The following TNS1 variants were observed in gnomAD, a reference collection of about 807,000 sequenced individuals.
The protein encoded by TNS1 is tensin 1.
Under a neutral mutation model 168.6 loss-of-function variants are expected in TNS1, and 62 were observed. The observed-to-expected ratio is 0.37, with a 90% CI of 0.30 to 0.45. The LOEUF (loss-of-function observed/expected upper bound fraction) is 0.45, where lower values mean the gene tolerates loss of function less well. Among genes scored for constraint, TNS1 ranks in the 20% least tolerant of loss-of-function variants. The pLI is 1.00. For synonymous variants in TNS1, 934 were observed against 933.2 expected, an observed-to-expected ratio of 1.00 and a Z score of -0.02; for missense variants, 2,240 against 2,339.4, an observed-to-expected ratio of 0.96 and a Z score of 0.88.
intron 24 of TNS1, among the ~76,000 whole-genome samples, chr2:217,815,711 CCTAAAACACTTG>C (rs1941789206): frequency 6.6e-6 from 1 of 152,200 alleles, no homozygotes; most frequent in African/African-American, 2.4e-5. Context: ...TCTCCCATGG[CCTAAAACACTTG>C]CTTCTAGAAC....
rs1352530013 is a variant in TNS1, at chr2:217,848,980, T to C, written c.1537A>G (p.Thr513Ala). 1.9e-6 allele frequency: 3 copies of C among 1,613,838 alleles called. No individual in the cohort carries two copies. The highest frequency in any genetic ancestry group is 2.5e-6 in the Non-Finnish European group (3 of 1,179,984). Residue 513 changes from threonine (T) to alanine (A), a missense_variant, in exon 19 of 33, where the codon ACA becomes GCA. Thr to Ala is a moderately conservative substitution (Grantham distance 58). This residue lies in a region of TNS1 where 2,131 missense variants were observed against 2,171.2 expected (regional missense o/e 0.98). Transcript: ENST00000682258. Reference sequence around the variant, plus strand: ...ACGTGGTTGGGGGTGGCCGACAGTGTAGGACGTGTGGCATTAACAGCCCCG... The same window carrying C: ...ACGTGGTTGGGGGTGGCCGACAGTGCAGGACGTGTGGCATTAACAGCCCCG... ...STGAVNATRPTLSATPNHVEH... is the reference protein window; with the variant it reads ...STGAVNATRPALSATPNHVEH...
intron 3 of TNS1, among the ~76,000 whole-genome samples, chr2:217,971,332 C>T (rs1200180866): frequency 2.0e-5 from 3 of 152,190 alleles, no homozygotes; most frequent in African/African-American, 7.2e-5. Flanking sequence ...CCAGTATGTG[C>T]CCTTTTTGTG....
At chr2:217,846,977 C>A (rs531141766) in intron 19 of TNS1, among the ~76,000 whole-genome samples, 12 of 152,316 alleles carry the variant, frequency 7.9e-5, no homozygotes, top group African/African-American at 2.9e-4. Context: ...CCTCTAGGAG[C>A]GGGACCTAAG....
Position 217,920,186 on chromosome 2 carries a change from G to A in TNS1, c.228+9C>T, listed in dbSNP as rs1559359226. On this transcript the variant is annotated intron_variant, in intron 4 of 32. Transcript: ENST00000682258. ...AGGGCTTGCAGGGCAAGGAAGGGCT[G>A]TCACTCACCACCAGCTCATGGTTGG... is the stretch of plus-strand genomic sequence containing the variant. The A allele has an allele frequency of 1.4e-6, 1 of 703,014 alleles. No individual in the cohort carries two copies. Among genetic ancestry groups the A allele is most frequent in the African/African-American group, 1.7e-5 (1 of 57,382 alleles). The allele number at this position is 703,014 out of a possible 1,614,324, so 43.5% of individuals were successfully genotyped here.
At chr2:217,952,185 T>C (rs1220641923) in intron 3 of TNS1, among the ~76,000 whole-genome samples, 1 of 152,212 alleles carries the variant, frequency 6.6e-6, no homozygotes, top group Admixed American at 6.5e-5. Context: ...ACTTAACATG[T>C]GCCAAGCCCT....
intron 5 of TNS1, among the ~76,000 whole-genome samples, chr2:217,907,002 C>T (rs913420243): frequency 1.3e-5 from 2 of 152,226 alleles, no homozygotes; most frequent in African/African-American, 2.4e-5. Flanking sequence ...CCTAGCAGCC[C>T]ATTTCCAAAC....
chr2:217,813,577 G>T lies in TNS1; in HGVS notation c.4861+108C>A. Reference sequence around the variant, plus strand: ...CAAGACACCCTCTTCCGAAGAGCCTGATGGGAGTTAAGGTCCTGCCCAGCA... The same window carrying T: ...CAAGACACCCTCTTCCGAAGAGCCTTATGGGAGTTAAGGTCCTGCCCAGCA... On this transcript the variant is annotated intron_variant, in intron 26 of 32. Transcript: ENST00000682258. The surrounding 1 kb of genome is among the most constrained non-coding windows in gnomAD (Gnocchi z 4.0). The T allele has an allele frequency of 6.8e-7, 1 of 1,466,848 alleles. No individual in the cohort carries two copies. Among genetic ancestry groups the T allele is most frequent in the Non-Finnish European group, 9.2e-7 (1 of 1,090,162 alleles). 90.9% of individuals were successfully genotyped at this position (1,466,848 alleles called of 1,614,324 possible).
intron 1 of TNS1, among the ~76,000 whole-genome samples, chr2:218,031,299 G>A (rs1469978609): frequency 7.0e-6 from 1 of 143,746 alleles, no homozygotes; most frequent in African/African-American, 2.7e-5. Flanking sequence ...GTGTGAGTGT[G>A]TCTTTGTGTA....
At chr2:217,975,878 C>T (rs1426851841) in intron 3 of TNS1, among the ~76,000 whole-genome samples, 1 of 152,174 alleles carries the variant, frequency 6.6e-6, no homozygotes, top group Non-Finnish European at 1.5e-5. Context: ...CCTCTTGGCC[C>T]ATGTCCCTAC....
intron 1 of TNS1, chr2:218,010,056 C>CGGG: frequency 1.2e-5 from 1 of 85,782 alleles, no homozygotes; most frequent in African/African-American, 6.0e-5. Flanking sequence ...AGGGAGGGGG[C>CGGG]GGGGGGGGGT....
chr2:217,959,343 CTT>C (rs1278630388), intron 3 of TNS1, among the ~76,000 whole-genome samples: 1 of 151,984 alleles, frequency 6.6e-6, no homozygotes, highest in Non-Finnish European at 1.5e-5. Flanking sequence ...AACCTGGTAT[CTT>C]AGCATGGAAC....
At position 217,848,163 on chromosome 2, in the gene TNS1, G is replaced by GGCTGCTGCTGCTGCTGCTGCT. The variant is rs3839056; in HGVS notation, c.2333_2353dup (p.Gln778_Gln784dup). On this transcript the variant is annotated inframe_insertion, in exon 19 of 33. Transcript: ENST00000682258. ...TTCCTGCTGGCGTGGAGGTGGGCGA[G>GGCTGCTGCTGCTGCTGCTGCT]GCTGCTGCTGCTGCTGCTGCTGCTG... The GGCTGCTGCTGCTGCTGCTGCT allele has an allele frequency of 1.3e-6, 2 of 1,502,154 alleles. No individual in the cohort carries two copies. Among genetic ancestry groups the GGCTGCTGCTGCTGCTGCTGCT allele is most frequent in the Non-Finnish European group, 1.8e-6 (2 of 1,100,302 alleles). 93.1% of individuals were successfully genotyped at this position (1,502,154 alleles called of 1,614,324 possible). A position where few individuals can be genotyped will look rare whatever the true frequency, so the allele number is the denominator to read the frequency against.
intron 21 of TNS1, 124 bp downstream of exon 21, chr2:217,834,967 C>T (rs934101454): frequency 3.3e-5 from 24 of 727,204 alleles, no homozygotes; most frequent in African/African-American, 1.9e-4. Context: ...AGGAGCAGCA[C>T]GTTCTGGCCC....
chr2:217,890,674 G>A, intron 12 of TNS1: 1 of 485,260 alleles, frequency 2.1e-6, no homozygotes, highest in Admixed American at 3.4e-5. Flanking sequence ...TCCTAGACCA[G>A]CGCCTTCTTA....
At chr2:217,974,815 A>C (rs1957854293) in intron 3 of TNS1, among the ~76,000 whole-genome samples, 1 of 152,082 alleles carries the variant, frequency 6.6e-6, no homozygotes, top group African/African-American at 2.4e-5. Context: ...GCCCTTCCCA[A>C]CACACCCACG....
chr2:217,836,305 GCTCA>G, intron 19 of TNS1, 94 bp from the exon 20 acceptor site: 4 of 1,259,950 alleles, frequency 3.2e-6, no homozygotes, highest in Non-Finnish European at 4.3e-6. Flanking sequence ...GTGCCTCCTA[GCTCA>G]GAGGCCATGC....
At chr2:217,965,215 G>T (rs1243372038) in intron 3 of TNS1, among the ~76,000 whole-genome samples, 1 of 152,170 alleles carries the variant, frequency 6.6e-6, no homozygotes, top group Non-Finnish European at 1.5e-5. Flanking sequence ...TAGGATCTCA[G>T]AAGAATAGAA....
In TNS1 at chr2:217,893,503, A is replaced by G. The variant is rs1951968090; in HGVS notation, c.653T>C (p.Ile218Thr). The G allele has an allele frequency of 6.2e-7, 1 of 1,613,422 alleles. No individual in the cohort carries two copies. The highest frequency in any genetic ancestry group is 1.3e-5 in the African/African-American group (1 of 74,922). The change falls in exon 10 of 33, where the codon ATC becomes ACC. Residue 218 changes from isoleucine (I) to threonine (T), a missense_variant. Ile to Thr is a moderately conservative substitution (Grantham distance 89). Transcript: ENST00000682258. ...GAGCCATGTGTCCATGGCCTTACAG[A>G]TGCTGCAGATCTTCTCCAGGGCTGG... ...HTPALEKICS[I>T]CKAMDTWLNA...
chr2:217,887,588 G>A (rs1418033202), intron 12 of TNS1, among the ~76,000 whole-genome samples: 1 of 152,194 alleles, frequency 6.6e-6, no homozygotes, highest in Non-Finnish European at 1.5e-5. Flanking sequence ...GATTACAGGT[G>A]TGAGCCACCG....
Sources: allele counts gnomAD v4.1 joint callset (sites outside exome capture counted in the v4.1 genomes callset), GRCh38; gene constraint gnomAD v4.1.1; regional missense constraint gnomAD v4.1.1; non-coding constraint Gnocchi (gnomAD v3.1); transcripts MANE v1.5; gene names NCBI Gene and HGNC (gene_info 2026-07-23, HGNC 2026-07-21).